Variants in BCAS3 observed in about 807,000 individuals in gnomAD.
The protein encoded by BCAS3 is BCAS4/BCAS3 fusion.
In BCAS3, 53 loss-of-function variants were observed where a neutral mutation model predicts 116.1. That is an observed-to-expected ratio of 0.46 (90% confidence interval 0.37 to 0.57). The LOEUF (loss-of-function observed/expected upper bound fraction) is 0.57, where lower values mean the gene tolerates loss of function less well. Ranked by LOEUF, BCAS3 falls within the 20% of genes least tolerant of loss-of-function variation. The pLI is 0.00. For missense variants in BCAS3, 917 were observed against 1,165.4 expected, an observed-to-expected ratio of 0.79 and a Z score of 3.10; for synonymous variants, 391 against 408.2, an observed-to-expected ratio of 0.96 and a Z score of 0.51.
intron 4 of BCAS3, among the ~76,000 whole-genome samples, chr17:60,697,961 C>T (rs1052233153): frequency 5.3e-5 from 8 of 151,958 alleles, no homozygotes; most frequent in Admixed American, 3.9e-4. Context: ...AGGCAGATCA[C>T]GAGGTCAGGA....
chr17:61,353,973 TC>T (rs2058013058), intron 22 of BCAS3: 2 of 152,214 alleles, frequency 1.3e-5, no homozygotes, highest in Admixed American at 1.3e-4. Context: ...AGGCTGAAAG[TC>T]AGAGAAGTCC....
At chr17:60,705,435 A>C (rs1479386094) in intron 4 of BCAS3, among the ~76,000 whole-genome samples, 1 of 149,928 alleles carries the variant, frequency 6.7e-6, no homozygotes, top group Non-Finnish European at 1.5e-5. Context: ...GAATCGCTTG[A>C]GCCTGGGAGG....
intron 22 of BCAS3, among the ~76,000 whole-genome samples, chr17:61,284,363 A>G (rs906097130): frequency 2.6e-5 from 4 of 152,322 alleles, no homozygotes; most frequent in South Asian, 2.1e-4. Flanking sequence ...AACACTCACC[A>G]GGAAGGTCTG....
At position 60,727,520 on chromosome 17, in the gene BCAS3, G is replaced by A. The variant is rs117680131; in HGVS notation, c.321+18195G>A. The A allele has an allele frequency of 1.3e-3, 1,797 of 1,374,858 alleles. 48 individuals are homozygous for A. In the East Asian group the frequency reaches 0.038, roughly 29 times the overall value. The allele number at this position is 1,374,858 out of a possible 1,614,324, so 85.2% of individuals were successfully genotyped here. A position where few individuals can be genotyped will look rare whatever the true frequency, so the allele number is the denominator to read the frequency against. On this transcript the variant is annotated intron_variant, in intron 5 of 23. Transcript: ENST00000407086. ...GCTGTTCCGTCTATGTGATGAAAACGAGAAATGGCATCTGAGACTCTCGCC... is the reference window on the plus strand; with the variant it reads ...GCTGTTCCGTCTATGTGATGAAAACAAGAAATGGCATCTGAGACTCTCGCC...
At chr17:61,374,060 C>A (rs796106793) in intron 23 of BCAS3, among the ~76,000 whole-genome samples, 2 of 150,322 alleles carry the variant, frequency 1.3e-5, no homozygotes, top group Non-Finnish European at 3.0e-5. Context: ...AAGTGATCTG[C>A]CCACCTCAGC....
chr17:60,804,970 G>GT (rs1255806634), intron 6 of BCAS3, among the ~76,000 whole-genome samples: 60 of 141,692 alleles, frequency 4.2e-4, no homozygotes, highest in South Asian at 2.4e-3. Flanking sequence ...TGAGTGTCGG[G>GT]TTTTTTTTTT....
At chr17:60,979,363 G>A (rs2062638490) in intron 14 of BCAS3, among the ~76,000 whole-genome samples, 1 of 148,228 alleles carries the variant, frequency 6.7e-6, no homozygotes, top group South Asian at 2.1e-4. Flanking sequence ...TGTATCCTGA[G>A]ACTTTGCTGA....
At chr17:60,930,750 G>A (rs894123250) in intron 13 of BCAS3, among the ~76,000 whole-genome samples, 1 of 152,102 alleles carries the variant, frequency 6.6e-6, no homozygotes. Flanking sequence ...GAGCCACTGC[G>A]TCCAGCCCTT....
chr17:60,919,672 G>GTT lies in BCAS3; in HGVS notation c.994-4734_994-4733insTT, dbSNP rs549477425. Among the ~76,000 whole-genome samples, 1,324 of 150,212 alleles carry GTT rather than the reference G, an allele frequency of 8.8e-3. 19 individuals are homozygous for GTT. The highest frequency in any genetic ancestry group is 0.029 in the African/African-American group (1,170 of 40,734). On this transcript the variant is annotated intron_variant, in intron 12 of 23. Transcript: ENST00000407086. Reference sequence around the variant, plus strand: ...TTCATAGGGGAAGGCTTTTTCCTGTGTGTTTTTTTTTTTAAAATAATGACA... The same window carrying GTT: ...TTCATAGGGGAAGGCTTTTTCCTGTGTTTGTTTTTTTTTTTAAAATAATGACA...
chr17:61,092,814 G>C, intron 22 of BCAS3, among the ~76,000 whole-genome samples: 1 of 150,972 alleles, frequency 6.6e-6, no homozygotes, highest in East Asian at 1.9e-4. Context: ...CTTTCTTAAT[G>C]GTATCTTTTG....
intron 22 of BCAS3, among the ~76,000 whole-genome samples, chr17:61,158,049 T>C (rs2077963783): frequency 6.6e-6 from 1 of 151,150 alleles, no homozygotes; most frequent in Non-Finnish European, 1.5e-5. Context: ...TATGCAACTC[T>C]TTTTTTTATG....
intron 13 of BCAS3, among the ~76,000 whole-genome samples, chr17:60,930,288 T>C (rs1181141619): frequency 6.6e-6 from 1 of 152,216 alleles, no homozygotes; most frequent in East Asian, 1.9e-4. Flanking sequence ...ACAGTATTGC[T>C]TGTTAGAATA....
chr17:61,322,804 G>GAGAGAGAGAGAGAC (rs2055348863), intron 22 of BCAS3, among the ~76,000 whole-genome samples: 1 of 128,406 alleles, frequency 7.8e-6, no homozygotes, highest in Non-Finnish European at 1.7e-5. Flanking sequence ...CAGAGAGAGA[G>GAGAGAGAGAGAGAC]AGAGAGAGAG....
chr17:60,918,426 A>G (rs2058888301), intron 12 of BCAS3, among the ~76,000 whole-genome samples: 4 of 152,206 alleles, frequency 2.6e-5, no homozygotes, highest in Admixed American at 2.6e-4. Flanking sequence ...AGCACTTAGC[A>G]TTTCTATGTG....
chr17:60,706,766 A>G (rs2037195086), intron 4 of BCAS3, among the ~76,000 whole-genome samples: 1 of 151,558 alleles, frequency 6.6e-6, no homozygotes, highest in Non-Finnish European at 1.5e-5. Flanking sequence ...CTCAAAAAAC[A>G]AAACAAAACA....
intron 6 of BCAS3, among the ~76,000 whole-genome samples, chr17:60,765,911 ACTT>A (rs1380898157): frequency 6.6e-6 from 1 of 151,166 alleles, no homozygotes; most frequent in African/African-American, 2.4e-5. Flanking sequence ...TTTTCTCTAA[ACTT>A]CTCACTTCAT....
At chr17:60,931,607 A>G (rs908166806) in intron 13 of BCAS3, among the ~76,000 whole-genome samples, 10 of 151,986 alleles carry the variant, frequency 6.6e-5, no homozygotes, top group African/African-American at 2.2e-4. Flanking sequence ...TAACTCTTAC[A>G]CTGATTCCTA....
At position 60,989,979 on chromosome 17, in the gene BCAS3, C is replaced by T. The variant is rs200045008; in HGVS notation, c.1230C>T (p.Asp410=). 3.1e-6 allele frequency: 5 copies of T among 1,614,062 alleles called. No homozygotes were observed. Among genetic ancestry groups the T allele is most frequent in the Non-Finnish European group, 4.2e-6 (5 of 1,179,944 alleles). The change falls in exon 15 of 24, where the codon GAC becomes GAT. Residue 410 remains aspartate, a synonymous_variant. Coordinates refer to ENST00000407086, the MANE Select transcript of BCAS3 (RefSeq NM_017679.5). The part of the protein sequence containing the change: ...HRGETEAKVQ[D]ICFSHDCRWV... ...TCTTATCTCATTTCTAGGTACAGGACATCTGCTTCAGCCATGACTGTCGCT... is the reference window on the plus strand; with the variant it reads ...TCTTATCTCATTTCTAGGTACAGGATATCTGCTTCAGCCATGACTGTCGCT...
At chr17:61,177,164 A>G (rs1251901135) in intron 22 of BCAS3, among the ~76,000 whole-genome samples, 1 of 152,244 alleles carries the variant, frequency 6.6e-6, no homozygotes, top group Non-Finnish European at 1.5e-5. Context: ...AACATTAAAC[A>G]TGCACTTATC....
Sources: allele counts gnomAD v4.1 joint callset (sites outside exome capture counted in the v4.1 genomes callset), GRCh38; gene constraint gnomAD v4.1.1; transcripts MANE v1.5; gene names NCBI Gene and HGNC (gene_info 2026-07-23, HGNC 2026-07-21).